Variants in FRAS1 observed in about 807,000 individuals in gnomAD.
FRAS1 encodes Fraser extracellular matrix complex subunit 1.
In FRAS1, 290 loss-of-function variants were observed where a neutral mutation model predicts 435.2. The ratio of observed to expected loss-of-function variants is 0.67; its 90% CI spans 0.61 to 0.73. FRAS1 has a LOEUF of 0.73. Among genes scored for constraint, FRAS1 ranks in the 30% least tolerant of loss-of-function variants. The pLI is 0.00. For missense variants in FRAS1, 4,860 were observed against 5,001.5 expected (o/e 0.97, Z 0.85); for synonymous variants, 1,800 against 1,851.0 (o/e 0.97, Z 0.71).
chr4:78,396,983 G>A (rs9991478), intron 29 of FRAS1, among the ~76,000 whole-genome samples: 1 of 151,962 alleles, frequency 6.6e-6, no homozygotes. Context: ...AGATGTCCAC[G>A]GTGCTTCTTT....
intron 38 of FRAS1, among the ~76,000 whole-genome samples, chr4:78,433,572 T>C (rs547118637): frequency 1.3e-5 from 2 of 152,360 alleles, no homozygotes; most frequent in South Asian, 4.1e-4. Flanking sequence ...CAATTGCTTT[T>C]ACACAGATTT....
rs373782968 is a variant in FRAS1 at position 78,519,401 on chromosome 4, C to A, written c.10460C>A (p.Ala3487Asp). 1 of 1,610,582 alleles carries A rather than the reference C, an allele frequency of 6.2e-7. No homozygotes were observed. The highest frequency in any genetic ancestry group is 1.7e-5 in the Admixed American group (1 of 59,212). The change falls in exon 67 of 74, where the codon GCC (alanine) becomes GAC (aspartate). Residue 3487 changes from alanine (A) to aspartate (D), a missense_variant. Physicochemically the swap from Ala to Asp is moderately radical, Grantham distance 126 (BLOSUM62 -2). Transcript: ENST00000512123. ...PLYVSYIYVT[A>D]PRGWASLEHH... ...TATGTGTCCTACATCTATGTGACAG[C>A]CCCCAGGGGCTGGGCCTCCTTGGAG...
chr4:78,522,922 A>T, intron 69 of FRAS1, 114 bp downstream of exon 69: 1 of 969,570 alleles, frequency 1.0e-6, no homozygotes, highest in Non-Finnish European at 1.4e-6. Context: ...TTAAAAGGGG[A>T]ATTGATAGAA....
rs200494366 is a variant in FRAS1, at chr4:78,188,319, A to ATCTATCT, written c.109-49191_109-49190insTCTATCT. The stretch of plus-strand genomic sequence containing the variant: ...TATCTATCTATCTATCTATCTATCT[A>ATCTATCT]ATCTATCTATCTATATTTAGGTTGG... On this transcript the variant is annotated intron_variant, in intron 2 of 73. Transcript: ENST00000512123. Among the ~76,000 whole-genome samples the ATCTATCT allele has an allele frequency of 3.4e-3, 21 of 6,218 alleles. No homozygotes were observed. The East Asian group carries it at 0.042, about 12-fold the overall frequency. The allele number at this position is 6,218 out of a possible 152,430, so 4.1% of individuals were successfully genotyped here. A position where few individuals can be genotyped will look rare whatever the true frequency, so the allele number is the denominator to read the frequency against.
chr4:78,333,164 A>G (rs760787220), intron 18 of FRAS1, 108 bp from the exon 19 acceptor site: 13 of 1,264,310 alleles, frequency 1.0e-5, no homozygotes, highest in Non-Finnish European at 1.4e-5. Flanking sequence ...AACCAAGTGA[A>G]TGTACAGAAC....
chr4:78,239,932 A>G (rs1578201555), intron 3 of FRAS1, among the ~76,000 whole-genome samples: 1 of 151,884 alleles, frequency 6.6e-6, no homozygotes, highest in African/African-American at 2.4e-5. Flanking sequence ...TCCAGACTTT[A>G]TTTTTCTTTT....
intron 2 of FRAS1, among the ~76,000 whole-genome samples, chr4:78,092,127 A>C (rs1469455776): frequency 1.3e-5 from 2 of 151,900 alleles, no homozygotes; most frequent in Non-Finnish European, 2.9e-5. Context: ...TGGTGGTGAG[A>C]AGTGTAGAGT....
At position 78,447,996 on chromosome 4, in the gene FRAS1, A is replaced by T; in HGVS notation, c.6011-57A>T. On this transcript the variant is annotated intron_variant, in intron 43 of 73. Coordinates refer to ENST00000512123, the MANE Select transcript of FRAS1 (RefSeq NM_025074.7). ...TTGGAAAAATCAGACAATGTTTTGA[A>T]TCATATATATATGTGTATTCTACCA... The T allele has an allele frequency of 2.1e-6, 3 of 1,419,874 alleles. No homozygotes were observed. The South Asian group carries it at 4.4e-5, about 21-fold the overall frequency. The allele number at this position is 1,419,874 out of a possible 1,614,324, so 88.0% of individuals were successfully genotyped here.
At chr4:78,399,804 A>C (rs1274302103) in intron 29 of FRAS1, among the ~76,000 whole-genome samples, 1 of 152,116 alleles carries the variant, frequency 6.6e-6, no homozygotes, top group Non-Finnish European at 1.5e-5. Context: ...AGCCATTACA[A>C]GGTATCTTCA....
chr4:78,201,073 A>G (rs1723033461), intron 2 of FRAS1, among the ~76,000 whole-genome samples: 1 of 151,948 alleles, frequency 6.6e-6, no homozygotes. Flanking sequence ...CTGATCTCAG[A>G]TGTATTCTTA....
Position 78,434,324 on chromosome 4 carries a change from C to T in FRAS1, c.5217+1720C>T, listed in dbSNP as rs1193708030. On this transcript the variant is annotated intron_variant, in intron 38 of 73. Transcript: ENST00000512123. ...TATATACACAGTTTGCTATGCACTGCGAGTAAACAGGAAAAGAACAGCATG... is the reference window on the plus strand; with the variant it reads ...TATATACACAGTTTGCTATGCACTGTGAGTAAACAGGAAAAGAACAGCATG... 2.0e-5 allele frequency among the ~76,000 whole-genome samples: 3 copies of T among 152,100 alleles called. No individual in the cohort carries two copies. In the East Asian group the frequency reaches 5.8e-4, roughly 29 times the overall value.
At chr4:78,362,137 A>G (rs764243713) in intron 20 of FRAS1, among the ~76,000 whole-genome samples, 46 of 152,206 alleles carry the variant, frequency 3.0e-4, no homozygotes, top group Admixed American at 1.3e-4. Context: ...GCTACTGTGC[A>G]CTATGTATTG....
intron 60 of FRAS1, 22 bp downstream of exon 60, chr4:78,496,983 A>G (rs371568934): frequency 1.9e-6 from 3 of 1,594,468 alleles, no homozygotes; most frequent in African/African-American, 2.7e-5. Context: ...AATTATCTTT[A>G]GTTACTCTTA....
chr4:78,411,956 G>T (rs1178529183), intron 31 of FRAS1, among the ~76,000 whole-genome samples: 1 of 152,022 alleles, frequency 6.6e-6, no homozygotes, highest in African/African-American at 2.4e-5. Flanking sequence ...GTAAAAAAGG[G>T]GATAATAATA....
At chr4:78,263,932 A>G (rs1000029725) in intron 6 of FRAS1, among the ~76,000 whole-genome samples, 1 of 152,182 alleles carries the variant, frequency 6.6e-6, no homozygotes, top group African/African-American at 2.4e-5. Context: ...ACGAAAAATT[A>G]AAAGTTCTGT....
At chr4:78,166,647 C>A (rs1293504461) in intron 2 of FRAS1, among the ~76,000 whole-genome samples, 1 of 152,120 alleles carries the variant, frequency 6.6e-6, no homozygotes, top group African/African-American at 2.4e-5. Context: ...TATTTTTAGG[C>A]AGTGGTTCCT....
chr4:78,272,065 G>C (rs1439215494), intron 9 of FRAS1, among the ~76,000 whole-genome samples: 1 of 152,242 alleles, frequency 6.6e-6, no homozygotes, highest in Non-Finnish European at 1.5e-5. Flanking sequence ...CTGATGACCA[G>C]TGACGATGAG....
At chr4:78,530,364 C>CT (rs1226622062) in intron 70 of FRAS1, among the ~76,000 whole-genome samples, 2 of 152,070 alleles carry the variant, frequency 1.3e-5, no homozygotes, top group South Asian at 2.1e-4. Flanking sequence ...GGGGTCCTTG[C>CT]TTTACATCAG....
chr4:78,446,925 G>T (rs1456273997), intron 43 of FRAS1, 45 bp downstream of exon 43: 4 of 1,542,164 alleles, frequency 2.6e-6, no homozygotes, highest in African/African-American at 1.4e-5. Flanking sequence ...TGAGATGCCC[G>T]ATGGGCTGTT....
Sources: gnomAD v4.1 joint callset for allele counts (sites outside exome capture counted in the v4.1 genomes callset) on GRCh38, gnomAD v4.1.1 for gene constraint, MANE v1.5 for transcripts, NCBI Gene and HGNC (gene_info 2026-07-23, HGNC 2026-07-21) for gene names.